Variants in LHX1 observed in about 807,000 individuals in gnomAD.
The protein encoded by LHX1 is LIM/homeobox protein Lhx1.
A neutral mutation model predicts 34.1 loss-of-function variants in LHX1; 9 were observed. The observed-to-expected ratio is 0.26, with a 90% CI of 0.16 to 0.46. The LOEUF is 0.46. Among genes scored for constraint, LHX1 ranks in the 20% least tolerant of loss-of-function variants. The pLI is 1.00. For missense variants in LHX1, 446 were observed against 559.1 expected, an observed-to-expected ratio of 0.80 and a Z score of 2.04; for synonymous variants, 254 against 241.5, an observed-to-expected ratio of 1.05 and a Z score of -0.48.
chr17:36,939,956 CT>C, intron 1 of LHX1: 1 of 518,404 alleles, frequency 1.9e-6, no homozygotes. Flanking sequence ...TTGCCACCTT[CT>C]TTAGACGATG....
rs1369537085 is a variant in LHX1, at chr17:36,940,843, G to A, written c.631G>A (p.Glu211Lys). The change falls in exon 3 of 5, where the codon GAG becomes AAG. Residue 211 changes from glutamate (E) to lysine (K), a missense_variant. By Grantham distance (56) the Glu-to-Lys change is moderately conservative. This residue lies in a region of LHX1 where 43 missense variants were observed against 108.0 expected (regional missense o/e 0.40). Transcript: ENST00000614239. Reference protein sequence around the residue: ...ATPKPTRHIREQLAQETGLNM... With the variant: ...ATPKPTRHIRKQLAQETGLNM... Reference sequence around the variant, plus strand: ...ACCCAAGCCCACCCGCCACATCCGCGAGCAGCTGGCGCAGGAGACCGGCCT... The same window carrying A: ...ACCCAAGCCCACCCGCCACATCCGCAAGCAGCTGGCGCAGGAGACCGGCCT... 6.2e-7 allele frequency: 1 copy of A among 1,609,966 alleles called. No homozygotes were observed. The highest frequency in any genetic ancestry group is 1.7e-5 in the Admixed American group (1 of 59,618).
intron 1 of LHX1, among the ~76,000 whole-genome samples, chr17:36,939,643 G>T (rs1055424532): frequency 4.6e-5 from 7 of 152,204 alleles, no homozygotes; most frequent in Admixed American, 3.9e-4. Context: ...TCCACAACCC[G>T]CGGCAGAGCG....
In LHX1 at chr17:36,943,320, G is replaced by A. The variant is rs890359579; in HGVS notation, c.*189G>A. 5.7e-5 allele frequency: 38 copies of A among 672,228 alleles called. No individual in the cohort carries two copies. The African/African-American group carries it at 6.5e-4, about 11-fold the overall frequency. 41.6% of individuals were successfully genotyped at this position (672,228 alleles called of 1,614,324 possible). On this transcript the variant is annotated 3_prime_UTR_variant, in exon 5 of 5. Coordinates refer to ENST00000614239, the MANE Select transcript of LHX1 (RefSeq NM_005568.5). ...ATAGGATCCAAATCGGCCTCGAGGTGGGACTGGGATCCGCGCACTGGCTGT... is the reference window on the plus strand; with the variant it reads ...ATAGGATCCAAATCGGCCTCGAGGTAGGACTGGGATCCGCGCACTGGCTGT...
In LHX1 at chr17:36,940,913, C is replaced by T. The variant is rs746297005; in HGVS notation, c.675+26C>T. 3.9e-6 allele frequency: 6 copies of T among 1,553,862 alleles called. No homozygotes were observed. In the South Asian group the frequency reaches 7.0e-5, roughly 18 times the overall value. ...GTCAGGCCCCGGCGCGCCTCTCCATCCCACAGAGGCCCACACTGCCACTTT... is the reference window on the plus strand; with the variant it reads ...GTCAGGCCCCGGCGCGCCTCTCCATTCCACAGAGGCCCACACTGCCACTTT... On this transcript the variant is annotated intron_variant, in intron 3 of 4. Transcript: ENST00000614239.
In LHX1 at chr17:36,940,628, C is replaced by T. The variant is rs77646323; in HGVS notation, c.416C>T (p.Pro139Leu). ...SLHSATTGSDPSLSPDSQDPS... is the reference protein window; with the variant it reads ...SLHSATTGSDLSLSPDSQDPS... ...CTCTTAGCCACCACGGGCAGTGACC[C>T]CAGTTTGTCTCCGGATTCCCAAGAC... The change falls in exon 3 of 5, where the codon CCC (proline) becomes CTC (leucine). Residue 139 changes from proline to leucine, a missense_variant. Pro to Leu is a moderately conservative substitution (Grantham distance 98). This residue lies in a region of LHX1 where 168 missense variants were observed against 226.6 expected (regional missense o/e 0.74). Coordinates refer to ENST00000614239, the MANE Select transcript of LHX1 (RefSeq NM_005568.5). 6.2e-7 allele frequency: 1 copy of T among 1,613,840 alleles called. No homozygotes were observed. Among genetic ancestry groups the T allele is most frequent in the African/African-American group, 1.3e-5 (1 of 75,044 alleles).
upstream of LHX1, chr17:36,937,153 C>A: frequency 2.3e-6 from 1 of 435,244 alleles, no homozygotes. Context: ...TGGGGTTAGA[C>A]GGAGGCAGAC....
At position 36,943,966 on chromosome 17, in the gene LHX1, A is replaced by G. The variant is rs565670577; in HGVS notation, c.*835A>G. ...AAAAAAAGACTATTGAACTAAAAACAGTCAACTGTTTACGTATAATGTTAA... is the reference window on the plus strand; with the variant it reads ...AAAAAAAGACTATTGAACTAAAAACGGTCAACTGTTTACGTATAATGTTAA... On this transcript the variant is annotated 3_prime_UTR_variant, in exon 5 of 5. Coordinates refer to ENST00000614239, the MANE Select transcript of LHX1 (RefSeq NM_005568.5). The G allele has an allele frequency of 1.9e-4, 29 of 152,134 alleles. 1 individual carries two copies. The highest frequency in any genetic ancestry group is 1.8e-3 in the Admixed American group (28 of 15,288). The allele number at this position is 152,134 out of a possible 1,614,324, so 9.4% of individuals were successfully genotyped here.
intron 3 of LHX1, among the ~76,000 whole-genome samples, 188 bp from the exon 4 acceptor site, chr17:36,942,012 T>C (rs970334297): frequency 1.3e-5 from 2 of 152,136 alleles, no homozygotes; most frequent in African/African-American, 4.8e-5. Flanking sequence ...CTGCTCACCA[T>C]TGGCTCAGGG....
chr17:36,937,572 C>T lies in LHX1; in HGVS notation c.-626C>T, dbSNP rs1038225929. Reference sequence around the variant, plus strand: ...GCGCGGGCGCTCGGCGCGTCCAGACCCGCGGCGCGATGCCGGCAGTTTAGG... The same window carrying T: ...GCGCGGGCGCTCGGCGCGTCCAGACTCGCGGCGCGATGCCGGCAGTTTAGG... On this transcript the variant is annotated 5_prime_UTR_variant, in exon 1 of 5. Coordinates refer to ENST00000614239, the MANE Select transcript of LHX1 (RefSeq NM_005568.5). 3.1e-5 allele frequency: 10 copies of T among 319,116 alleles called. No individual in the cohort carries two copies. Among genetic ancestry groups the T allele is most frequent in the African/African-American group, 2.0e-4 (9 of 44,510 alleles). 19.8% of individuals were successfully genotyped at this position (319,116 alleles called of 1,614,324 possible). A position where few individuals can be genotyped will look rare whatever the true frequency, so the allele number is the denominator to read the frequency against.
At chr17:36,941,152 A>G (rs1176614462) in intron 3 of LHX1, 1 of 705,498 alleles carries the variant, frequency 1.4e-6, no homozygotes, top group East Asian at 2.7e-5. Flanking sequence ...GGAGGAGGAG[A>G]ACTGTTGAAC....
intron 1 of LHX1, 32 bp downstream of exon 1, chr17:36,938,399 A>C: frequency 6.2e-7 from 1 of 1,609,746 alleles, no homozygotes. Context: ...CTCTGCTGCT[A>C]CCTCCCCGCG....
At chr17:36,939,984 T>G in intron 1 of LHX1, 2 of 552,084 alleles carry the variant, frequency 3.6e-6, no homozygotes, top group East Asian at 3.1e-5. Context: ...TCCTCTGGGA[T>G]AACGCTGGGA....
Position 36,937,916 on chromosome 17 carries a change from C to T in LHX1, c.-282C>T, listed in dbSNP as rs1361484952. 3.3e-6 allele frequency: 2 copies of T among 600,874 alleles called. No homozygotes were observed. Among genetic ancestry groups the T allele is most frequent in the Non-Finnish European group, 6.1e-6 (2 of 329,972 alleles). The allele number at this position is 600,874 out of a possible 1,614,324, so 37.2% of individuals were successfully genotyped here. On this transcript the variant is annotated 5_prime_UTR_variant, in exon 1 of 5. Coordinates refer to ENST00000614239, the MANE Select transcript of LHX1 (RefSeq NM_005568.5). ...GGGTCGCATTCTCTCCCGCCTGAGA[C>T]TTCTTTTCCTCGCCCCGGGAGCTCA... is the stretch of plus-strand genomic sequence containing the variant.
At position 36,943,318 on chromosome 17, in the gene LHX1, G is replaced by A. The variant is rs1392111047; in HGVS notation, c.*187G>A. The A allele has an allele frequency of 7.3e-6, 5 of 689,218 alleles. No individual in the cohort carries two copies. 42.7% of individuals were successfully genotyped at this position (689,218 alleles called of 1,614,324 possible). A position where few individuals can be genotyped will look rare whatever the true frequency, so the allele number is the denominator to read the frequency against. ...AAATAGGATCCAAATCGGCCTCGAG[G>A]TGGGACTGGGATCCGCGCACTGGCT... On this transcript the variant is annotated 3_prime_UTR_variant, in exon 5 of 5. Coordinates refer to ENST00000614239, the MANE Select transcript of LHX1 (RefSeq NM_005568.5).
At chr17:36,938,437 A>C (rs2070743585) in intron 1 of LHX1, 70 bp downstream of exon 1, 3 of 1,511,838 alleles carry the variant, frequency 2.0e-6, no homozygotes, top group Non-Finnish European at 2.8e-6. Flanking sequence ...TTCGGATCAG[A>C]GGTTAGCGTG....
chr17:36,938,453 G>C, intron 1 of LHX1, 86 bp downstream of exon 1: 1 of 1,395,446 alleles, frequency 7.2e-7, no homozygotes, highest in Non-Finnish European at 1.0e-6. Context: ...GCGTGGCCTC[G>C]CTGCCCAGTT....
Position 36,942,802 on chromosome 17 carries a change from C to G in LHX1, c.892C>G (p.Gln298Glu). ...CGGGGGCAACTACGACTTCTTCCCGCAAGGCCCCCCGTCCTCGCAGGCCCA... is the reference window on the plus strand; with the variant it reads ...CGGGGGCAACTACGACTTCTTCCCGGAAGGCCCCCCGTCCTCGCAGGCCCA... ...GPGGNYDFFP[Q>E]GPPSSQAQTP... is the part of the protein sequence containing the mutation. The change falls in exon 5 of 5, where the codon CAA becomes GAA. Residue 298 changes from glutamine (Q) to glutamate (E), a missense_variant. Gln to Glu is a conservative substitution (Grantham distance 29). Coordinates refer to ENST00000614239, the MANE Select transcript of LHX1 (RefSeq NM_005568.5). The G allele has an allele frequency of 6.5e-7, 1 of 1,549,100 alleles. No homozygotes were observed.
In LHX1 at chr17:36,942,276, T is replaced by G. The variant is rs1173623609; in HGVS notation, c.752T>G (p.Phe251Cys). 13 of 1,598,076 alleles carry G rather than the reference T, an allele frequency of 8.1e-6. No individual in the cohort carries two copies. Among genetic ancestry groups the G allele is most frequent in the Non-Finnish European group, 1.1e-5 (13 of 1,174,124 alleles). ...LSALGARRHA[F>C]FRSPRRMRPL... ...GCCCTGGGCGCCCGGCGCCACGCCT[T>G]CTTCCGCAGTCCGCGCCGGATGCGG... Residue 251 changes from phenylalanine (F) to cysteine (C), a missense_variant, in exon 4 of 5, where the codon TTC becomes TGC. Coordinates refer to ENST00000614239, the MANE Select transcript of LHX1 (RefSeq NM_005568.5).
intron 3 of LHX1, 111 bp from the exon 4 acceptor site, chr17:36,942,089 G>A (rs1399889919): frequency 3.6e-6 from 4 of 1,126,164 alleles, no homozygotes; most frequent in Admixed American, 2.2e-5. Flanking sequence ...ACACAAGCGC[G>A]CGCGCGCGGT....
Sources: gnomAD v4.1 joint callset for allele counts (sites outside exome capture counted in the v4.1 genomes callset) on GRCh38, gnomAD v4.1.1 for gene constraint, gnomAD v4.1.1 regional missense constraint, MANE v1.5 for transcripts, NCBI Gene and HGNC (gene_info 2026-07-23, HGNC 2026-07-21) for gene names.